Variants in ANKRD55 observed in about 807,000 individuals in gnomAD.
The protein encoded by ANKRD55 is ankyrin repeat domain-containing protein 55.
ANKRD55 carries 41 observed loss-of-function variants against 60.6 expected under a neutral mutation model. The ratio of observed to expected loss-of-function variants is 0.68; its 90% confidence interval spans 0.53 to 0.88. ANKRD55 has a LOEUF of 0.88. Among genes scored for constraint, ANKRD55 ranks in the 40% least tolerant of loss-of-function variants. ANKRD55 has a pLI of 0.00. For synonymous variants in ANKRD55, 264 were observed against 290.3 expected (o/e 0.91, Z 0.92); for missense variants, 732 against 767.6 (o/e 0.95, Z 0.55).
intron 2 of ANKRD55, among the ~76,000 whole-genome samples, chr5:56,187,467 C>T (rs559164442): frequency 5.3e-4 from 81 of 152,362 alleles, no homozygotes; most frequent in African/African-American, 1.6e-3. Flanking sequence ...GCTCTGTTTT[C>T]ACTCTATTAA....
chr5:56,148,166 T>C (rs1209330143), intron 6 of ANKRD55, among the ~76,000 whole-genome samples: 1 of 152,220 alleles, frequency 6.6e-6, no homozygotes, highest in Non-Finnish European at 1.5e-5. Context: ...CTTGGACTCA[T>C]AGGGAATATA....
intron 2 of ANKRD55, chr5:56,192,466 C>T (rs986747949): frequency 9.4e-6 from 2 of 213,586 alleles, no homozygotes; most frequent in African/African-American, 2.3e-5. Context: ...GCAAAAGTCG[C>T]CGGTCCCATG....
Position 56,130,669 on chromosome 5 carries a change from T to C in ANKRD55, c.613-3563A>G, listed in dbSNP as rs551922789. ...ATCAGTTCCAGACATGGCAGGGATA[T>C]GGGAATTATCAGATAAATAATTTAA... On this transcript the variant is annotated intron_variant, in intron 7 of 11. Transcript: ENST00000341048. 9.3e-4 allele frequency among the ~76,000 whole-genome samples: 141 copies of C among 152,252 alleles called. 2 individuals are homozygous for C. The highest frequency in any genetic ancestry group is 3.2e-3 in the African/African-American group (132 of 41,526).
intron 7 of ANKRD55, among the ~76,000 whole-genome samples, chr5:56,130,506 T>A (rs931859494): frequency 6.6e-6 from 1 of 152,196 alleles, no homozygotes; most frequent in Non-Finnish European, 1.5e-5. Context: ...TACATTTCTC[T>A]TCCCCCCATA....
intron 4 of ANKRD55, among the ~76,000 whole-genome samples, chr5:56,172,312 T>C (rs542515467): frequency 1.3e-5 from 2 of 152,176 alleles, no homozygotes; most frequent in Non-Finnish European, 2.9e-5. Flanking sequence ...TAGAAGCAAG[T>C]ATTTTTCTGG....
chr5:56,161,560 A>C (rs1758331022), intron 5 of ANKRD55, among the ~76,000 whole-genome samples: 1 of 152,242 alleles, frequency 6.6e-6, no homozygotes, highest in African/African-American at 2.4e-5. Context: ...GAGCTTAAAT[A>C]GAGATGGACT....
chr5:56,198,528 G>A (rs1213071135), intron 2 of ANKRD55, among the ~76,000 whole-genome samples: 17 of 151,646 alleles, frequency 1.1e-4, no homozygotes, highest in African/African-American at 3.6e-4. Context: ...CAGGTGATCC[G>A]CCTGCCTCAG....
chr5:56,127,129 G>T (rs376881206), intron 7 of ANKRD55, 23 bp from the exon 8 acceptor site: 2 of 1,584,846 alleles, frequency 1.3e-6, no homozygotes, highest in Admixed American at 3.5e-5. Flanking sequence ...GTCAAAGAAA[G>T]CCCATTATGT....
At chr5:56,176,549 A>G (rs1007052736) in intron 3 of ANKRD55, among the ~76,000 whole-genome samples, 1 of 152,210 alleles carries the variant, frequency 6.6e-6, no homozygotes, top group Non-Finnish European at 1.5e-5. Flanking sequence ...TGACTGTGTC[A>G]GGGATCAGCA....
At position 56,192,583 on chromosome 5, in the gene ANKRD55, C is replaced by T. The variant is rs1759125320; in HGVS notation, c.59-8949G>A. 3 of 491,412 alleles carry T rather than the reference C, an allele frequency of 6.1e-6. No individual in the cohort carries two copies. The South Asian group carries it at 7.2e-5, about 12-fold the overall frequency. 30.4% of individuals were successfully genotyped at this position (491,412 alleles called of 1,614,324 possible). ...AATCCTGGCTGAATTTTTTAACCTT[C>T]CTCTATGGATCGGCAATAGGGTTTA... On this transcript the variant is annotated intron_variant, in intron 2 of 11. Transcript: ENST00000341048.
At chr5:56,216,978 G>A (rs904939814) in intron 2 of ANKRD55, among the ~76,000 whole-genome samples, 13 of 152,232 alleles carry the variant, frequency 8.5e-5, no homozygotes, top group African/African-American at 3.1e-4. Flanking sequence ...GGGAGAAGAT[G>A]CCACCTAGGA....
chr5:56,109,927 A>C (rs990126784), intron 10 of ANKRD55, among the ~76,000 whole-genome samples: 3 of 152,122 alleles, frequency 2.0e-5, no homozygotes, highest in Non-Finnish European at 4.4e-5. Context: ...CTGAGGCAGG[A>C]GAATCGCTTG....
intron 9 of ANKRD55, among the ~76,000 whole-genome samples, chr5:56,115,742 C>T (rs1756866385): frequency 6.6e-6 from 1 of 152,018 alleles, no homozygotes; most frequent in African/African-American, 2.4e-5. Context: ...TTAAATAAAA[C>T]ATTTTATTTT....
At chr5:56,170,611 G>T in intron 5 of ANKRD55, 83 bp downstream of exon 5, 3 of 1,107,752 alleles carry the variant, frequency 2.7e-6, no homozygotes, top group Non-Finnish European at 4.0e-6. Flanking sequence ...TTTTTTATCA[G>T]CCACAGAGGG....
chr5:56,194,315 CAAAAA>C (rs551227581), intron 2 of ANKRD55, among the ~76,000 whole-genome samples: 2 of 57,954 alleles, frequency 3.5e-5, no homozygotes, highest in Non-Finnish European at 7.1e-5. Flanking sequence ...GACTCCATCT[CAAAAA>C]AAAAAAAAAA....
chr5:56,162,734 A>C (rs1758363802), intron 5 of ANKRD55, among the ~76,000 whole-genome samples: 1 of 151,654 alleles, frequency 6.6e-6, no homozygotes, highest in Non-Finnish European at 1.5e-5. Flanking sequence ...CAGTGGCACA[A>C]TCACAGTTCA....
At chr5:56,196,943 C>T (rs1167796683) in intron 2 of ANKRD55, among the ~76,000 whole-genome samples, 1 of 152,142 alleles carries the variant, frequency 6.6e-6, no homozygotes, top group Non-Finnish European at 1.5e-5. Flanking sequence ...CTCAGGGCCC[C>T]ATCTCAGATC....
chr5:56,137,311 TG>T (rs35745501), intron 7 of ANKRD55: 778,335 of 1,564,442 alleles, frequency 0.5, 197,060 homozygotes, highest in Middle Eastern at 0.55. Context: ...GTAGATTATC[TG>T]GTCATTGAGC....
At chr5:56,157,408 G>C (rs950077740) in intron 6 of ANKRD55, among the ~76,000 whole-genome samples, 1 of 152,168 alleles carries the variant, frequency 6.6e-6, no homozygotes, top group South Asian at 2.1e-4. Flanking sequence ...CCACCAGCCC[G>C]ACACATGTAA....
Sources: gnomAD v4.1 joint callset for allele counts (sites outside exome capture counted in the v4.1 genomes callset) on GRCh38, gnomAD v4.1.1 for gene constraint, MANE v1.5 for transcripts, NCBI Gene and HGNC (gene_info 2026-07-23, HGNC 2026-07-21) for gene names.